The following ZDHHC18 variants were observed in gnomAD, a reference collection of about 807,000 sequenced individuals.
ZDHHC18 encodes the protein palmitoyltransferase ZDHHC18.
Under a neutral mutation model 37.5 loss-of-function variants are expected in ZDHHC18, and 23 were observed. That is an observed-to-expected ratio of 0.61 (90% CI 0.44 to 0.87). The LOEUF (loss-of-function observed/expected upper bound fraction) is 0.87. Among genes scored for constraint, ZDHHC18 ranks in the 40% least tolerant of loss-of-function variants. The pLI is 0.00. For synonymous variants in ZDHHC18, 185 were observed against 218.7 expected (o/e 0.85, Z 1.36); for missense variants, 406 against 525.6 (o/e 0.77, Z 2.22).
chr1:26,847,561 A>G (rs916226115), intron 2 of ZDHHC18, among the ~76,000 whole-genome samples: 3 of 151,990 alleles, frequency 2.0e-5, no homozygotes, highest in Admixed American at 2.0e-4. Context: ...TGCCCTCCAA[A>G]TGTCTTTTGT....
intron 2 of ZDHHC18, among the ~76,000 whole-genome samples, chr1:26,837,332 T>G (rs1275914661): frequency 6.8e-6 from 1 of 147,628 alleles, no homozygotes; most frequent in Non-Finnish European, 1.5e-5. Flanking sequence ...ATATTTAATA[T>G]GTATAATATA....
At chr1:26,851,757 A>G (rs1018703742) in intron 6 of ZDHHC18, among the ~76,000 whole-genome samples, 2 of 152,166 alleles carry the variant, frequency 1.3e-5, no homozygotes, top group Admixed American at 6.5e-5. Flanking sequence ...AGCCGTGACT[A>G]TTCTCAAGGT....
At position 26,853,139 on chromosome 1, in the gene ZDHHC18, T is replaced by G. The variant is rs528251763; in HGVS notation, c.1049+274T>G. 6.2e-4 allele frequency: 213 copies of G among 346,308 alleles called. 1 individual carries two copies. Among genetic ancestry groups the G allele is most frequent in the African/African-American group, 4.2e-3 (202 of 47,914 alleles). 21.5% of individuals were successfully genotyped at this position (346,308 alleles called of 1,614,324 possible). On this transcript the variant is annotated intron_variant, in intron 7 of 7. Transcript: ENST00000374142. ...CCCGGGGGTAGCCACCATGACTGTTTCAGCCATGTTTGAATGACACTGCCC... is the reference window on the plus strand; with the variant it reads ...CCCGGGGGTAGCCACCATGACTGTTGCAGCCATGTTTGAATGACACTGCCC...
chr1:26,843,517 G>A (rs549925602), intron 2 of ZDHHC18, among the ~76,000 whole-genome samples: 17 of 150,680 alleles, frequency 1.1e-4, no homozygotes, highest in Non-Finnish European at 1.9e-4. Context: ...GGCCGTGTAC[G>A]GTGGTTCATG....
intron 7 of ZDHHC18, 184 bp downstream of exon 7, chr1:26,853,049 G>GAA: frequency 1.5e-5 from 8 of 520,528 alleles, no homozygotes; most frequent in Admixed American, 7.0e-5. Flanking sequence ...GCTCATTGTA[G>GAA]AAAAAAAAAA....
chr1:26,841,925 G>A (rs1342975989), intron 2 of ZDHHC18, among the ~76,000 whole-genome samples: 1 of 152,064 alleles, frequency 6.6e-6, no homozygotes, highest in Non-Finnish European at 1.5e-5. Flanking sequence ...CATGAGGTCA[G>A]GAGTTCAAGA....
At position 26,850,118 on chromosome 1, in the gene ZDHHC18, T is replaced by A. The variant is rs902165992; in HGVS notation, c.647-183T>A. 6.6e-6 allele frequency among the ~76,000 whole-genome samples: 1 copy of A among 152,128 alleles called. No homozygotes were observed. The highest frequency in any genetic ancestry group is 2.1e-4 in the South Asian group (1 of 4,824). On this transcript the variant is annotated intron_variant, in intron 3 of 7. Coordinates refer to ENST00000374142, the MANE Select transcript of ZDHHC18 (RefSeq NM_032283.3). This position sits in a 1 kb window ranked among gnomAD's most constrained non-coding sequence, Gnocchi z 6.1. ...TTAACCAGGTAAAGAGACGAGAGAA[T>A]GTATCAGGCAGTGGGAACTGGTACA...
At chr1:26,838,999 G>A (rs2081625904) in intron 2 of ZDHHC18, among the ~76,000 whole-genome samples, 1 of 152,264 alleles carries the variant, frequency 6.6e-6, no homozygotes, top group African/African-American at 2.4e-5. Context: ...GGTGACAACA[G>A]TGGAAGGGCA....
intron 1 of ZDHHC18, among the ~76,000 whole-genome samples, chr1:26,827,452 C>T (rs895787589): frequency 1.2e-4 from 18 of 152,010 alleles, no homozygotes; most frequent in African/African-American, 4.1e-4. Flanking sequence ...ACACCAGCCT[C>T]CATGCCCCTC....
intron 2 of ZDHHC18, among the ~76,000 whole-genome samples, chr1:26,838,322 G>A (rs2081622962): frequency 6.6e-6 from 1 of 151,538 alleles, no homozygotes; most frequent in African/African-American, 2.4e-5. Context: ...ATTATTTTTT[G>A]TAGAAACAGG....
intron 6 of ZDHHC18, 89 bp downstream of exon 6, chr1:26,851,320 C>G (rs1011169682): frequency 7.9e-6 from 10 of 1,262,792 alleles, no homozygotes; most frequent in Non-Finnish European, 1.2e-5. Context: ...CAAGCACAGT[C>G]CTGACTCACG....
Position 26,845,320 on chromosome 1 carries a change from C to CTTTTTTTTTTT in ZDHHC18, c.497-3266_497-3256dup, listed in dbSNP as rs71007896. 8.6e-4 allele frequency among the ~76,000 whole-genome samples: 39 copies of CTTTTTTTTTTT among 45,238 alleles called. 8 individuals carry two copies. The highest frequency in any genetic ancestry group is 1.3e-3 in the African/African-American group (10 of 7,982). 29.7% of individuals were successfully genotyped at this position (45,238 alleles called of 152,430 possible). On this transcript the variant is annotated intron_variant, in intron 2 of 7. Transcript: ENST00000374142. ...CTGCTCTAAAGGTTACTTCTTCATT[C>CTTTTTTTTTTT]TTTTTTTTTTTTTTTTTTTTTTTTT... is the stretch of plus-strand genomic sequence containing the variant.
chr1:26,849,896 C>T (rs1169242189), intron 3 of ZDHHC18, among the ~76,000 whole-genome samples: 1 of 152,166 alleles, frequency 6.6e-6, no homozygotes, highest in East Asian at 1.9e-4. Context: ...GCCCCCCTCG[C>T]CCATGGAGCT....
intron 2 of ZDHHC18, among the ~76,000 whole-genome samples, chr1:26,846,842 T>A (rs2081669578): frequency 6.6e-6 from 1 of 152,116 alleles, no homozygotes. Flanking sequence ...AATCTAAGGA[T>A]AATCTCCTAC....
Position 26,848,773 on chromosome 1 carries a change from C to G in ZDHHC18, c.646+16C>G. 6.2e-7 allele frequency: 1 copy of G among 1,602,330 alleles called. No individual in the cohort carries two copies. The highest frequency in any genetic ancestry group is 8.5e-7 in the Non-Finnish European group (1 of 1,170,204). On this transcript the variant is annotated intron_variant, in intron 3 of 7. Coordinates refer to ENST00000374142, the MANE Select transcript of ZDHHC18 (RefSeq NM_032283.3). ...AACTGTGTGGGTGAGTAGGAGGCAG[C>G]AGGGAGGGATGCAGGGATTCCTGAG... is the stretch of plus-strand genomic sequence containing the variant.
At chr1:26,839,212 G>A (rs1006226262) in intron 2 of ZDHHC18, among the ~76,000 whole-genome samples, 8 of 152,204 alleles carry the variant, frequency 5.3e-5, no homozygotes, top group African/African-American at 1.9e-4. Flanking sequence ...CAGAGCTTTG[G>A]TTTCTGCCTG....
At chr1:26,831,073 C>T (rs573421826) in intron 1 of ZDHHC18, among the ~76,000 whole-genome samples, 12 of 152,270 alleles carry the variant, frequency 7.9e-5, no homozygotes, top group South Asian at 4.1e-4. Flanking sequence ...TGAGCCACTG[C>T]GCCTGGCCAA....
In ZDHHC18 at chr1:26,845,320, C is replaced by CTTTTTTTTTT. The variant is rs71007896; in HGVS notation, c.497-3265_497-3256dup. ...CTGCTCTAAAGGTTACTTCTTCATT[C>CTTTTTTTTTT]TTTTTTTTTTTTTTTTTTTTTTTTT... On this transcript the variant is annotated intron_variant, in intron 2 of 7. Coordinates refer to ENST00000374142, the MANE Select transcript of ZDHHC18 (RefSeq NM_032283.3). 2.1e-3 allele frequency among the ~76,000 whole-genome samples: 93 copies of CTTTTTTTTTT among 45,246 alleles called. 15 individuals are homozygous for CTTTTTTTTTT. Among genetic ancestry groups the CTTTTTTTTTT allele is most frequent in the Non-Finnish European group, 2.6e-3 (68 of 26,362 alleles). The allele number at this position is 45,246 out of a possible 152,430, so 29.7% of individuals were successfully genotyped here.
chr1:26,840,110 A>G (rs983403761), intron 2 of ZDHHC18, among the ~76,000 whole-genome samples: 1 of 152,156 alleles, frequency 6.6e-6, no homozygotes, highest in African/African-American at 2.4e-5. Flanking sequence ...AGACCAGAAC[A>G]TGCTTAGCAG....
Sources: gnomAD v4.1 joint callset for allele counts (sites outside exome capture counted in the v4.1 genomes callset) on GRCh38, gnomAD v4.1.1 for gene constraint, Gnocchi (gnomAD v3.1) non-coding constraint, MANE v1.5 for transcripts, NCBI Gene and HGNC (gene_info 2026-07-23, HGNC 2026-07-21) for gene names.